The following LYN variants were observed in gnomAD, a reference collection of about 807,000 sequenced individuals.
The protein encoded by LYN is LYN proto-oncogene, Src family tyrosine kinase, also known as tyrosine-protein kinase Lyn.
Under a neutral mutation model 65.0 loss-of-function variants are expected in LYN, and 12 were observed. That is an observed-to-expected ratio of 0.18 (90% CI 0.12 to 0.30). LYN has a LOEUF of 0.30. Among genes scored for constraint, LYN ranks in the 10% least tolerant of loss-of-function variants. LYN has a pLI of 1.00. For synonymous variants in LYN, 222 were observed against 221.2 expected (o/e 1.00, Z -0.03); for missense variants, 380 against 623.2 (o/e 0.61, Z 4.16).
chr8:55,932,036 G>A (rs563180260), intron 1 of LYN, among the ~76,000 whole-genome samples: 2 of 152,226 alleles, frequency 1.3e-5, no homozygotes, highest in East Asian at 1.9e-4. Context: ...TTCTGAGAAG[G>A]TGAAATTAGG....
chr8:55,972,761 G>C (rs1807644455), intron 10 of LYN, among the ~76,000 whole-genome samples: 1 of 152,116 alleles, frequency 6.6e-6, no homozygotes, highest in Non-Finnish European at 1.5e-5. Context: ...AGATCCCTGG[G>C]GCCCAGATAC....
At chr8:55,970,800 T>C (rs1807589413) in intron 10 of LYN, among the ~76,000 whole-genome samples, 1 of 152,226 alleles carries the variant, frequency 6.6e-6, no homozygotes, top group African/African-American at 2.4e-5. Context: ...GTTTGTGTTC[T>C]GGCTCTGCCA....
At chr8:55,976,224 G>T (rs572401454) in intron 10 of LYN, among the ~76,000 whole-genome samples, 1 of 151,738 alleles carries the variant, frequency 6.6e-6, no homozygotes, top group South Asian at 2.1e-4. Flanking sequence ...CTACTCCGAA[G>T]GCTGAGGTAG....
At chr8:55,921,284 T>C (rs759346878) in intron 1 of LYN, among the ~76,000 whole-genome samples, 1 of 152,204 alleles carries the variant, frequency 6.6e-6, no homozygotes, top group African/African-American at 2.4e-5. Context: ...GCTGACTTGG[T>C]AACCAGGTGG....
At chr8:56,008,672 T>C (rs916143168) in intron 12 of LYN, among the ~76,000 whole-genome samples, 2 of 152,222 alleles carry the variant, frequency 1.3e-5, no homozygotes, top group Admixed American at 6.5e-5. Context: ...CTGAGACATT[T>C]GACCACATTA....
intron 1 of LYN, among the ~76,000 whole-genome samples, chr8:55,923,662 CTT>C (rs1328261973): frequency 6.6e-6 from 1 of 152,142 alleles, no homozygotes; most frequent in African/African-American, 2.4e-5. Flanking sequence ...GCCTCGGCCT[CTT>C]GAGTAGCTGG....
At chr8:55,926,567 T>C (rs982271133) in intron 1 of LYN, among the ~76,000 whole-genome samples, 1 of 152,240 alleles carries the variant, frequency 6.6e-6, no homozygotes, top group Non-Finnish European at 1.5e-5. Flanking sequence ...TTGAAGAAGT[T>C]TGGGAATTAA....
chr8:55,947,236 C>T (rs935621037), intron 3 of LYN, among the ~76,000 whole-genome samples: 5 of 152,314 alleles, frequency 3.3e-5, no homozygotes, highest in East Asian at 3.9e-4. Context: ...GCGACAAGAG[C>T]GAGACTCCGT....
At chr8:55,887,018 A>G (rs1244380407) in intron 1 of LYN, among the ~76,000 whole-genome samples, 1 of 152,258 alleles carries the variant, frequency 6.6e-6, no homozygotes, top group African/African-American at 2.4e-5. Context: ...TCCAACGTAC[A>G]GAGATGGGCA....
intron 10 of LYN, among the ~76,000 whole-genome samples, chr8:55,982,735 G>C (rs541595619): frequency 2.6e-5 from 4 of 152,154 alleles, no homozygotes; most frequent in African/African-American, 9.6e-5. Context: ...TCTGTGTCTT[G>C]ACTTCCTCCC....
chr8:55,929,790 G>A lies in LYN; in HGVS notation c.-5-12065G>A, dbSNP rs1185342559. Among the ~76,000 whole-genome samples the A allele has an allele frequency of 2.0e-5, 3 of 152,200 alleles. No individual in the cohort carries two copies. The East Asian group carries it at 5.8e-4, about 29-fold the overall frequency. ...TCTGGCTTGAAATGTCAGTAGTGCT[G>A]AGGTTGACAAACCCTGTTGTAGAGA... On this transcript the variant is annotated intron_variant, in intron 1 of 12. Transcript: ENST00000519728.
At chr8:55,948,194 G>A (rs973450215) in intron 4 of LYN, among the ~76,000 whole-genome samples, 4 of 152,076 alleles carry the variant, frequency 2.6e-5, no homozygotes, top group African/African-American at 9.7e-5. Flanking sequence ...GGCTGGTCTT[G>A]AACTCCTGCT....
chr8:55,950,335 A>T, intron 4 of LYN, 124 bp from the exon 5 acceptor site: 1 of 656,766 alleles, frequency 1.5e-6, no homozygotes, highest in Non-Finnish European at 2.6e-6. Flanking sequence ...CTTTATTTTT[A>T]ATTTTTTAAT....
At chr8:55,998,070 C>T (rs940268656) in intron 10 of LYN, among the ~76,000 whole-genome samples, 1 of 150,052 alleles carries the variant, frequency 6.7e-6, no homozygotes, top group African/African-American at 2.5e-5. Flanking sequence ...GGTGAAAGAG[C>T]GAGACTCCGT....
chr8:56,009,461 G>A (rs184054240), intron 12 of LYN, among the ~76,000 whole-genome samples: 25 of 152,236 alleles, frequency 1.6e-4, no homozygotes, highest in East Asian at 1.2e-3. Flanking sequence ...TTATTTTTCC[G>A]GGGTTCTGGA....
At chr8:55,996,856 G>A (rs1328005002) in intron 10 of LYN, among the ~76,000 whole-genome samples, 8 of 152,012 alleles carry the variant, frequency 5.3e-5, no homozygotes, top group Non-Finnish European at 8.8e-5. Flanking sequence ...CTTGCCGGGC[G>A]TGGTGGCTCA....
chr8:56,004,999 G>T (rs949719322), intron 12 of LYN, among the ~76,000 whole-genome samples: 1 of 152,088 alleles, frequency 6.6e-6, no homozygotes, highest in Non-Finnish European at 1.5e-5. Context: ...TGCCTAGGCT[G>T]GTTTCTAACT....
chr8:55,985,319 GC>G (rs201436721), intron 10 of LYN, among the ~76,000 whole-genome samples: 1 of 152,060 alleles, frequency 6.6e-6, no homozygotes, highest in African/African-American at 2.4e-5. Flanking sequence ...ACCTGCTCTT[GC>G]CCCCACATCC....
chr8:55,947,620 C>G lies in LYN; in HGVS notation c.181C>G (p.Pro61Ala), dbSNP rs368390497. Residue 61 changes from proline to alanine, a missense_variant and splice_region_variant, in exon 4 of 13, where the codon CCA becomes GCA. Transcript: ENST00000519728. ...LPGQRFQTKDPEEQGDIVVAL... is the reference protein window; with the variant it reads ...LPGQRFQTKDAEEQGDIVVAL... ...TGTTCTCTTGTGTTCATCTTTAGAT[C>G]CAGAGGAACAAGGAGACATTGTGGT... 1.2e-6 allele frequency: 2 copies of G among 1,602,100 alleles called. No homozygotes were observed. The highest frequency in any genetic ancestry group is 1.3e-5 in the African/African-American group (1 of 74,836).
Sources: allele counts gnomAD v4.1 joint callset (sites outside exome capture counted in the v4.1 genomes callset), GRCh38; gene constraint gnomAD v4.1.1; transcripts MANE v1.5; gene names NCBI Gene and HGNC (gene_info 2026-07-23, HGNC 2026-07-21).